PPP1R9A: variants seen among roughly 807,000 people sequenced by gnomAD.
The protein encoded by PPP1R9A is neurabin-1.
PPP1R9A carries 59 observed loss-of-function variants against 141.9 expected under a neutral mutation model. The observed-to-expected ratio is 0.42, with a 90% confidence interval of 0.34 to 0.52. The LOEUF (loss-of-function observed/expected upper bound fraction) is 0.52. Among genes scored for constraint, PPP1R9A ranks in the 20% least tolerant of loss-of-function variants. The pLI is 0.10. For missense variants in PPP1R9A, 1,444 were observed against 1,611.9 expected (o/e 0.90, Z 1.78); for synonymous variants, 500 against 569.7 (o/e 0.88, Z 1.74).
At chr7:95,000,597 T>C (rs947449515) in intron 2 of PPP1R9A, among the ~76,000 whole-genome samples, 3 of 152,188 alleles carry the variant, frequency 2.0e-5, no homozygotes, top group African/African-American at 7.2e-5. Context: ...ATATAATTTG[T>C]AGTTTTTGAC....
chr7:95,027,487 G>A (rs190853988), intron 2 of PPP1R9A, among the ~76,000 whole-genome samples: 12 of 152,254 alleles, frequency 7.9e-5, no homozygotes, highest in East Asian at 1.9e-4. Flanking sequence ...CACGTTCTGC[G>A]TTGATCTAGC....
At chr7:95,104,164 C>A (rs1229411021) in intron 2 of PPP1R9A, among the ~76,000 whole-genome samples, 2 of 152,146 alleles carry the variant, frequency 1.3e-5, no homozygotes, top group African/African-American at 4.8e-5. Flanking sequence ...TTTTATGTAA[C>A]TAGACTTTGG....
intron 6 of PPP1R9A, 21 bp from the exon 7 acceptor site, chr7:95,203,644 A>T: frequency 6.5e-7 from 1 of 1,530,354 alleles, no homozygotes; most frequent in Non-Finnish European, 8.8e-7. Flanking sequence ...CTTCTTTAAT[A>T]TTTTTTGTCA....
At chr7:95,093,408 G>A (rs944258945) in intron 2 of PPP1R9A, among the ~76,000 whole-genome samples, 2 of 151,992 alleles carry the variant, frequency 1.3e-5, no homozygotes, top group Admixed American at 6.6e-5. Context: ...TCTTCCTGCC[G>A]GCTCTGTATT....
At chr7:94,952,836 C>T (rs1172907521) in intron 2 of PPP1R9A, among the ~76,000 whole-genome samples, 1 of 151,356 alleles carries the variant, frequency 6.6e-6, no homozygotes, top group African/African-American at 2.4e-5. Flanking sequence ...TGTTTAAATT[C>T]CTTGTAGATT....
chr7:95,188,961 A>G (rs1033653245), intron 5 of PPP1R9A, among the ~76,000 whole-genome samples: 1 of 151,998 alleles, frequency 6.6e-6, no homozygotes, highest in African/African-American at 2.4e-5. Flanking sequence ...GTTTGTTTCA[A>G]GATTCTTGTA....
chr7:95,047,435 T>G (rs1193027985), intron 2 of PPP1R9A, among the ~76,000 whole-genome samples: 1 of 152,234 alleles, frequency 6.6e-6, no homozygotes, highest in East Asian at 1.9e-4. Flanking sequence ...ACATAATGGC[T>G]TCAATTCTCC....
chr7:95,159,773 A>C (rs1423021441), intron 4 of PPP1R9A, among the ~76,000 whole-genome samples: 1 of 151,732 alleles, frequency 6.6e-6, no homozygotes, highest in African/African-American at 2.4e-5. Flanking sequence ...AATACAAAAA[A>C]ACATTAGCCG....
chr7:95,262,174 A>C (rs1800531507), intron 12 of PPP1R9A, among the ~76,000 whole-genome samples: 2 of 152,172 alleles, frequency 1.3e-5, no homozygotes, highest in South Asian at 4.1e-4. Flanking sequence ...TATTGTTGCC[A>C]TGTCAAAGAC....
At chr7:95,220,985 A>G (rs1161143590) in intron 7 of PPP1R9A, among the ~76,000 whole-genome samples, 2 of 152,104 alleles carry the variant, frequency 1.3e-5, no homozygotes, top group African/African-American at 2.4e-5. Flanking sequence ...GAACAGGTAT[A>G]TATAGAGGAA....
intron 8 of PPP1R9A, among the ~76,000 whole-genome samples, chr7:95,242,632 T>A (rs1000802350): frequency 3.9e-5 from 6 of 152,140 alleles, no homozygotes; most frequent in Admixed American, 6.6e-5. Context: ...ACCTTCAGAA[T>A]GTTAAATGAA....
At chr7:94,963,345 AT>A (rs1372197648) in intron 2 of PPP1R9A, among the ~76,000 whole-genome samples, 10 of 152,068 alleles carry the variant, frequency 6.6e-5, no homozygotes, top group Admixed American at 1.3e-4. Flanking sequence ...TATAGTTTCT[AT>A]TTTTTATAGC....
At chr7:95,006,004 G>T (rs1312564588) in intron 2 of PPP1R9A, among the ~76,000 whole-genome samples, 1 of 152,020 alleles carries the variant, frequency 6.6e-6, no homozygotes, top group Non-Finnish European at 1.5e-5. Context: ...CTTGCTTATA[G>T]ATTTCAATTT....
intron 2 of PPP1R9A, among the ~76,000 whole-genome samples, chr7:95,107,331 T>C (rs1408845990): frequency 6.6e-6 from 1 of 152,176 alleles, no homozygotes; most frequent in East Asian, 1.9e-4. Context: ...TCATACTTTC[T>C]GCTAATCTGT....
intron 2 of PPP1R9A, among the ~76,000 whole-genome samples, chr7:95,079,196 A>G (rs1815370351): frequency 6.6e-6 from 1 of 152,236 alleles, no homozygotes. Context: ...AGCTTTCTAC[A>G]TATGGCTAGC....
At chr7:94,957,089 AC>A (rs1476988479) in intron 2 of PPP1R9A, among the ~76,000 whole-genome samples, 1 of 152,182 alleles carries the variant, frequency 6.6e-6, no homozygotes, top group Non-Finnish European at 1.5e-5. Context: ...TTATTTTGGA[AC>A]AAGTGGAAGA....
rs371101650 is a variant in PPP1R9A at position 95,077,976 on chromosome 7, G to GTT, written c.1396-33270_1396-33269dup. Among the ~76,000 whole-genome samples, 164 of 139,582 alleles carry GTT rather than the reference G, an allele frequency of 1.2e-3. 1 individual carries two copies. Among genetic ancestry groups the GTT allele is most frequent in the Middle Eastern group, 3.7e-3 (1 of 268 alleles). The allele number at this position is 139,582 out of a possible 152,430, so 91.6% of individuals were successfully genotyped here. The stretch of plus-strand genomic sequence containing the variant: ...CTTACAAAACAGTATCTTCTACTCT[G>GTT]TTTTTTTTTTTTTTAATTATACTTT... On this transcript the variant is annotated intron_variant, in intron 2 of 19. Coordinates refer to ENST00000433360, the MANE Select transcript of PPP1R9A (RefSeq NM_001166160.2).
chr7:95,219,616 T>C (rs1372745013), intron 7 of PPP1R9A, among the ~76,000 whole-genome samples: 2 of 152,086 alleles, frequency 1.3e-5, no homozygotes, highest in African/African-American at 4.8e-5. Flanking sequence ...TCAGGAAATA[T>C]TCTGATAACA....
intron 8 of PPP1R9A, among the ~76,000 whole-genome samples, chr7:95,238,236 C>T (rs1201348298): frequency 6.6e-6 from 1 of 152,104 alleles, no homozygotes; most frequent in Admixed American, 6.6e-5. Flanking sequence ...TTCTTTCTGT[C>T]CAACTGTAAT....
Sources: gnomAD v4.1 joint callset for allele counts (sites outside exome capture counted in the v4.1 genomes callset) on GRCh38, gnomAD v4.1.1 for gene constraint, MANE v1.5 for transcripts, NCBI Gene and HGNC (gene_info 2026-07-23, HGNC 2026-07-21) for gene names.